Variants in IWS1 observed in about 807,000 individuals in gnomAD.
IWS1 encodes the protein interacts with SUPT6H, CTD assembly factor 1.
In IWS1, 27 loss-of-function variants were observed where a neutral mutation model predicts 86.7. The observed-to-expected ratio is 0.31, with a 90% confidence interval of 0.23 to 0.43. The LOEUF (loss-of-function observed/expected upper bound fraction) is 0.43. Ranked by LOEUF, IWS1 falls within the 20% of genes least tolerant of loss-of-function variation. The pLI is 1.00. For synonymous variants in IWS1, 313 were observed against 335.1 expected (o/e 0.93, Z 0.72); for missense variants, 827 against 1,000.8 (o/e 0.83, Z 2.34).
rs1232759279 is a variant in IWS1 at position 127,514,266 on chromosome 2, C to T, written c.151-8514G>A. Reference sequence around the variant, plus strand: ...GTCACTCAATAAAACTCTTCCCTACCCTGCTCACTCTCGGTTGTCCGTGTA... The same window carrying T: ...GTCACTCAATAAAACTCTTCCCTACTCTGCTCACTCTCGGTTGTCCGTGTA... On this transcript the variant is annotated intron_variant, in intron 2 of 13. Transcript: ENST00000295321. 1.9e-5 allele frequency: 3 copies of T among 154,486 alleles called. No homozygotes were observed. The Admixed American group carries it at 2.0e-4, about 10-fold the overall frequency. The allele number at this position is 154,486 out of a possible 1,614,324, so 9.6% of individuals were successfully genotyped here. A position where few individuals can be genotyped will look rare whatever the true frequency, so the allele number is the denominator to read the frequency against.
chr2:127,513,361 T>C (rs1264006644), intron 2 of IWS1, among the ~76,000 whole-genome samples: 10 of 152,206 alleles, frequency 6.6e-5, no homozygotes, highest in South Asian at 4.1e-4. Context: ...TACGGGGTAA[T>C]TGGGAATACA....
At chr2:127,506,672 A>G (rs969777117) in intron 2 of IWS1, 1 of 168,278 alleles carries the variant, frequency 5.9e-6, no homozygotes, top group African/African-American at 2.4e-5. Flanking sequence ...ACTTCTCATG[A>G]TAACAAAATT....
Position 127,489,461 on chromosome 2 carries a change from C to T in IWS1, c.2160-226G>A. 1.8e-6 allele frequency: 1 copy of T among 553,602 alleles called. No homozygotes were observed. Among genetic ancestry groups the T allele is most frequent in the South Asian group, 2.4e-5 (1 of 41,950 alleles). 34.3% of individuals were successfully genotyped at this position (553,602 alleles called of 1,614,324 possible). Reference sequence around the variant, plus strand: ...AATTGCCACATTTGTAACTAATGACCCTGTCCTCCTGGATGCAACTGTATC... The same window carrying T: ...AATTGCCACATTTGTAACTAATGACTCTGTCCTCCTGGATGCAACTGTATC... On this transcript the variant is annotated intron_variant, in intron 11 of 13. Coordinates refer to ENST00000295321, the MANE Select transcript of IWS1 (RefSeq NM_017969.3). The surrounding 1 kb of genome is among the most constrained non-coding windows in gnomAD (Gnocchi z 4.8).
At chr2:127,502,903 T>C in intron 4 of IWS1, 31 bp from the exon 5 acceptor site, 1 of 1,292,110 alleles carries the variant, frequency 7.7e-7, no homozygotes, top group Non-Finnish European at 1.1e-6. Context: ...AAAACATTCA[T>C]TTGCTTTATC....
chr2:127,502,969 G>A (rs1690898620), intron 4 of IWS1, 97 bp from the exon 5 acceptor site: 1 of 713,792 alleles, frequency 1.4e-6, no homozygotes, highest in Non-Finnish European at 2.4e-6. Context: ...AGTAAAATGT[G>A]CAGATCTTCA....
chr2:127,518,771 C>G (rs556236994), intron 2 of IWS1, among the ~76,000 whole-genome samples: 1 of 151,800 alleles, frequency 6.6e-6, no homozygotes, highest in East Asian at 1.9e-4. Context: ...TTCACCACCA[C>G]GTTGGCCAGG....
intron 2 of IWS1, among the ~76,000 whole-genome samples, chr2:127,520,670 G>A (rs1692045851): frequency 6.6e-6 from 1 of 152,142 alleles, no homozygotes; most frequent in Admixed American, 6.5e-5. Flanking sequence ...TAACCTTCCT[G>A]GAGAGGAATT....
In IWS1 at chr2:127,526,435, C is replaced by T. The variant is rs1354929187; in HGVS notation, c.-227G>A. 15 of 1,535,180 alleles carry T rather than the reference C, an allele frequency of 9.8e-6. No homozygotes were observed. Among genetic ancestry groups the T allele is most frequent in the African/African-American group, 2.7e-5 (2 of 73,090 alleles). On this transcript the variant is annotated 5_prime_UTR_variant, in exon 1 of 14. It removes an upstream start codon present in the reference 5' UTR. Coordinates refer to ENST00000295321, the MANE Select transcript of IWS1 (RefSeq NM_017969.3). ...CCCGGCAGGCTGGCGGGCGGGCAGGCATGCGAGCCGGCGTTCTACTTCCTA... is the reference window on the plus strand; with the variant it reads ...CCCGGCAGGCTGGCGGGCGGGCAGGTATGCGAGCCGGCGTTCTACTTCCTA...
At chr2:127,507,100 A>C (rs1213972257) in intron 2 of IWS1, among the ~76,000 whole-genome samples, 1 of 152,204 alleles carries the variant, frequency 6.6e-6, no homozygotes, top group Non-Finnish European at 1.5e-5. Flanking sequence ...CCAATTTTCA[A>C]GGACCAAAGA....
rs751933160 is a variant in IWS1 at position 127,523,742 on chromosome 2, G to A, written c.84C>T (p.Asp28=). The A allele has an allele frequency of 1.2e-6, 2 of 1,613,916 alleles. No homozygotes were observed. Among genetic ancestry groups the A allele is most frequent in the East Asian group, 2.2e-5 (1 of 44,876 alleles). Residue 28 remains aspartate, a synonymous_variant, in exon 2 of 14, where the codon GAC becomes GAT. Coordinates refer to ENST00000295321, the MANE Select transcript of IWS1 (RefSeq NM_017969.3). ...PVQDERDSGS[D]GEDDVNEQHS... ...GTTGCTCATTTACATCATCCTCACC[G>A]TCTGACCCTGAATCCCGTTCATCCT... is the stretch of plus-strand genomic sequence containing the variant.
chr2:127,514,912 C>T (rs1404935225), intron 2 of IWS1: 3 of 152,226 alleles, frequency 2.0e-5, no homozygotes, highest in Non-Finnish European at 4.4e-5. Flanking sequence ...GAGCCCAGAG[C>T]CCAGCAAGGC....
chr2:127,484,853 C>T (rs1454522394), intron 13 of IWS1, among the ~76,000 whole-genome samples: 4 of 151,924 alleles, frequency 2.6e-5, no homozygotes, highest in African/African-American at 4.8e-5. Context: ...AAAAATTAGC[C>T]GAGCATGGTG....
chr2:127,523,646 G>T (rs1692232082), intron 2 of IWS1, 30 bp downstream of exon 2: 3 of 1,417,830 alleles, frequency 2.1e-6, no homozygotes, highest in African/African-American at 1.4e-5. Context: ...CAAGGGAAAA[G>T]CCCTCCCAAA....
In IWS1 at chr2:127,504,698, T is replaced by C; in HGVS notation, c.1205A>G (p.Asp402Gly). 1 of 1,602,236 alleles carries C rather than the reference T, an allele frequency of 6.2e-7. No homozygotes were observed. The highest frequency in any genetic ancestry group is 1.1e-5 in the South Asian group (1 of 88,584). ...RKAAVLSDSE[D>G]EEKASAKKSR... ...TAACTCCTTACATGCTTTCTCTTCATCTTCACTATCAGAAAGCACAGCAGC... is the reference window on the plus strand; with the variant it reads ...TAACTCCTTACATGCTTTCTCTTCACCTTCACTATCAGAAAGCACAGCAGC... The change falls in exon 3 of 14, where the codon GAT becomes GGT. Residue 402 changes from aspartate to glycine, a missense_variant. Asp to Gly is a moderately conservative substitution (Grantham distance 94). Coordinates refer to ENST00000295321, the MANE Select transcript of IWS1 (RefSeq NM_017969.3).
chr2:127,482,917 G>A (rs2105015634), intron 13 of IWS1: 1 of 152,182 alleles, frequency 6.6e-6, no homozygotes, highest in East Asian at 1.9e-4. Flanking sequence ...TGGTACAACT[G>A]TGTGAAGACA....
At chr2:127,491,618 T>C (rs1690230745) in intron 10 of IWS1, among the ~76,000 whole-genome samples, 1 of 152,160 alleles carries the variant, frequency 6.6e-6, no homozygotes, top group South Asian at 2.1e-4. Context: ...TAATTTTTTG[T>C]ATTTTTAGTA....
chr2:127,492,236 G>A, intron 9 of IWS1, 148 bp from the exon 10 acceptor site: 1 of 607,900 alleles, frequency 1.6e-6, no homozygotes. Context: ...AAGATACTTT[G>A]TGTCCACATC....
chr2:127,481,476 T>C (rs371011259), intron 13 of IWS1, among the ~76,000 whole-genome samples: 1 of 152,272 alleles, frequency 6.6e-6, no homozygotes, highest in East Asian at 1.9e-4. Flanking sequence ...ATCCTCCCAA[T>C]TCCATCATGT....
Position 127,481,034 on chromosome 2 carries a change from C to T in IWS1, c.*10G>A. The T allele has an allele frequency of 3.7e-6, 6 of 1,601,918 alleles. No homozygotes were observed. Among genetic ancestry groups the T allele is most frequent in the Non-Finnish European group, 5.1e-6 (6 of 1,176,214 alleles). ...CTTAGAGTAGAGATGGGGACACATT[C>T]CAGGCAAGGTCACAATGGCATTTTG... On this transcript the variant is annotated 3_prime_UTR_variant, in exon 14 of 14. Transcript: ENST00000295321.
Sources: gnomAD v4.1 joint callset for allele counts (sites outside exome capture counted in the v4.1 genomes callset) on GRCh38, gnomAD v4.1.1 for gene constraint, Gnocchi (gnomAD v3.1) non-coding constraint, MANE v1.5 for transcripts, NCBI Gene and HGNC (gene_info 2026-07-23, HGNC 2026-07-21) for gene names.